The following EREG variants were observed in gnomAD, a reference collection of about 807,000 sequenced individuals.
The protein encoded by EREG is epiregulin.
In EREG, 23 loss-of-function variants were observed where a neutral mutation model predicts 22.4. The ratio of observed to expected loss-of-function variants is 1.03; its 90% CI spans 0.74 to 1.46. EREG has a LOEUF of 1.46. EREG is among the 40% of genes most tolerant of loss of function. EREG has a pLI of 0.00. For missense variants in EREG, 226 were observed against 205.9 expected, an observed-to-expected ratio of 1.10 and a Z score of -0.60; for synonymous variants, 100 against 75.4, an observed-to-expected ratio of 1.33 and a Z score of -1.69.
chr4:74,372,085 G>T (rs1752300818), intron 1 of EREG, among the ~76,000 whole-genome samples: 1 of 152,172 alleles, frequency 6.6e-6, no homozygotes, highest in Non-Finnish European at 1.5e-5. Flanking sequence ...CAAGGATGGG[G>T]TAAGCTGCCC....
chr4:74,370,142 T>C (rs1313498008), intron 1 of EREG, among the ~76,000 whole-genome samples: 1 of 152,186 alleles, frequency 6.6e-6, no homozygotes, highest in Non-Finnish European at 1.5e-5. Flanking sequence ...CCTTTAAGAC[T>C]GAAAAAGGAG....
At chr4:74,380,749 T>C (rs1752459100) in intron 2 of EREG, among the ~76,000 whole-genome samples, 1 of 152,232 alleles carries the variant, frequency 6.6e-6, no homozygotes, top group Non-Finnish European at 1.5e-5. Flanking sequence ...TTCTCTACCC[T>C]TACAGGTTGT....
chr4:74,365,199 A>G lies in EREG; in HGVS notation c.-110A>G. ...ACACAGCCAACGTGGGGTCCCTTCT[A>G]GGCTGACAGCCGCTCTCCAGCCACT... is the stretch of plus-strand genomic sequence containing the variant. On this transcript the variant is annotated 5_prime_UTR_variant, in exon 1 of 5. Transcript: ENST00000244869. The G allele has an allele frequency of 1.2e-6, 1 of 810,770 alleles. No homozygotes were observed. Among genetic ancestry groups the G allele is most frequent in the Non-Finnish European group, 2.0e-6 (1 of 489,328 alleles). The allele number at this position is 810,770 out of a possible 1,614,324, so 50.2% of individuals were successfully genotyped here.
At chr4:74,381,311 AC>A (rs111798994) in intron 3 of EREG, 174 bp downstream of exon 3, 10 of 535,858 alleles carry the variant, frequency 1.9e-5, no homozygotes, top group South Asian at 1.0e-4. Flanking sequence ...TCATCCCTTA[AC>A]CCCCCCAAAA....
intron 1 of EREG, among the ~76,000 whole-genome samples, chr4:74,378,437 G>A (rs1332048862): frequency 6.6e-6 from 1 of 152,152 alleles, no homozygotes; most frequent in African/African-American, 2.4e-5. Context: ...CCCCACGGTA[G>A]GTATTATTCA....
chr4:74,382,667 G>T lies in EREG; in HGVS notation c.301G>T (p.Val101Phe), dbSNP rs1166055780. 1.4e-5 allele frequency: 23 copies of T among 1,611,284 alleles called. No homozygotes were observed. Among genetic ancestry groups the T allele is most frequent in the Non-Finnish European group, 1.9e-5 (22 of 1,178,890 alleles). The change falls in exon 4 of 5, where the codon GTC becomes TTC. Residue 101 changes from valine to phenylalanine, a missense_variant. Val to Phe is a conservative substitution (Grantham distance 50). Coordinates refer to ENST00000244869, the MANE Select transcript of EREG (RefSeq NM_001432.3). ...CAGGTGTGAAGTGGGTTATACTGGTGTCCGATGTGAACACTTCTTTTTAAC... is the reference window on the plus strand; with the variant it reads ...CAGGTGTGAAGTGGGTTATACTGGTTTCCGATGTGAACACTTCTTTTTAAC... Reference protein sequence around the residue: ...YCRCEVGYTGVRCEHFFLTVH... With the variant: ...YCRCEVGYTGFRCEHFFLTVH...
At chr4:74,366,761 G>T (rs1026102657) in intron 1 of EREG, among the ~76,000 whole-genome samples, 1 of 152,146 alleles carries the variant, frequency 6.6e-6, no homozygotes, top group Admixed American at 6.5e-5. Flanking sequence ...TGTGTGTTGT[G>T]TGTGTGTTTG....
rs773694742 is a variant in EREG at position 74,388,649 on chromosome 4, AATAG to A, written c.*3845_*3848del. 2.2e-4 allele frequency: 33 copies of A among 152,762 alleles called. No homozygotes were observed. The highest frequency in any genetic ancestry group is 3.7e-4 in the Non-Finnish European group (25 of 68,026). 9.5% of individuals were successfully genotyped at this position (152,762 alleles called of 1,614,324 possible). On this transcript the variant is annotated 3_prime_UTR_variant, in exon 5 of 5. Coordinates refer to ENST00000244869, the MANE Select transcript of EREG (RefSeq NM_001432.3). ...TGTACCTTAAGATATTGAAGGAGAA[AATAG>A]ATAATTTACAAGATATTATTAATTT...
At chr4:74,379,998 G>A (rs546527022) in intron 2 of EREG, among the ~76,000 whole-genome samples, 3 of 152,224 alleles carry the variant, frequency 2.0e-5, no homozygotes, top group East Asian at 1.9e-4. Context: ...AACATTTATC[G>A]AGTATGTAGT....
intron 4 of EREG, among the ~76,000 whole-genome samples, chr4:74,384,371 T>C (rs191092041): frequency 8.3e-4 from 126 of 152,174 alleles, no homozygotes; most frequent in Non-Finnish European, 1.6e-3. Flanking sequence ...TTGTAAATAT[T>C]CATTCCTTAG....
At chr4:74,369,862 T>C (rs1159895743) in intron 1 of EREG, among the ~76,000 whole-genome samples, 1 of 152,040 alleles carries the variant, frequency 6.6e-6, no homozygotes. Flanking sequence ...GTCAGGTAAT[T>C]GTATGTAGAT....
rs187502235 is a variant in EREG, at chr4:74,384,099, T to C, written c.429-628T>C. ...AGCTTAATGAATAAATGAAAGAAGA[T>C]TCTAAATTATGATAAATCTATGAAT... On this transcript the variant is annotated intron_variant, in intron 4 of 4. Coordinates refer to ENST00000244869, the MANE Select transcript of EREG (RefSeq NM_001432.3). 1.8e-3 allele frequency among the ~76,000 whole-genome samples: 267 copies of C among 152,236 alleles called. 1 individual carries two copies. Among genetic ancestry groups the C allele is most frequent in the Non-Finnish European group, 2.9e-3 (199 of 67,996 alleles).
chr4:74,387,703 T>A lies in EREG; in HGVS notation c.*2895T>A, dbSNP rs1170772412. 1 of 152,178 alleles carries A rather than the reference T, an allele frequency of 6.6e-6. No homozygotes were observed. The highest frequency in any genetic ancestry group is 1.5e-5 in the Non-Finnish European group (1 of 68,012). 9.4% of individuals were successfully genotyped at this position (152,178 alleles called of 1,614,324 possible). A position where few individuals can be genotyped will look rare whatever the true frequency, so the allele number is the denominator to read the frequency against. On this transcript the variant is annotated 3_prime_UTR_variant, in exon 5 of 5. Coordinates refer to ENST00000244869, the MANE Select transcript of EREG (RefSeq NM_001432.3). ...TTCACACTTAGTCTAACTCCCCCAT[T>A]TTACAGATTTCTCACTATATATATT...
Position 74,384,916 on chromosome 4 carries a change from C to T in EREG, c.*108C>T, listed in dbSNP as rs1752545423. The stretch of plus-strand genomic sequence containing the variant: ...TGGGTCAAGTGTTAGGTCAATAACA[C>T]TGTATTTTAATGTACTTGAAAAATG... On this transcript the variant is annotated 3_prime_UTR_variant, in exon 5 of 5. Coordinates refer to ENST00000244869, the MANE Select transcript of EREG (RefSeq NM_001432.3). 3.4e-6 allele frequency: 2 copies of T among 582,362 alleles called. No individual in the cohort carries two copies. Among genetic ancestry groups the T allele is most frequent in the South Asian group, 6.5e-5 (2 of 30,668 alleles). 36.1% of individuals were successfully genotyped at this position (582,362 alleles called of 1,614,324 possible). A position where few individuals can be genotyped will look rare whatever the true frequency, so the allele number is the denominator to read the frequency against.
intron 3 of EREG, 115 bp downstream of exon 3, chr4:74,381,252 A>C: frequency 1.1e-6 from 1 of 871,462 alleles, no homozygotes; most frequent in South Asian, 1.7e-5. Context: ...CTGAGCTTTT[A>C]GAGTACCTAC....
intron 3 of EREG, among the ~76,000 whole-genome samples, chr4:74,382,195 G>T (rs1284203720): frequency 1.3e-5 from 2 of 151,906 alleles, no homozygotes; most frequent in Non-Finnish European, 2.9e-5. Flanking sequence ...GTCTACTCAG[G>T]AGGCTGAGAT....
Position 74,381,070 on chromosome 4 carries a change from GA to G in EREG, c.212del (p.Asp71AlafsTer2). On this transcript the variant is annotated frameshift_variant, in exon 3 of 5. Transcript: ENST00000244869. LOFTEE classifies it high-confidence loss of function. ...AQVSITKCSS[D>X]MNGYCLHGQC... ...AGTGTCAATAACAAAGTGTAGCTCT[GA>G]CATGAATGGCTATTGTTTGCATGGA... 1 of 1,613,706 alleles carries G rather than the reference GA, an allele frequency of 6.2e-7. No individual in the cohort carries two copies. Among genetic ancestry groups the G allele is most frequent in the African/African-American group, 1.3e-5 (1 of 75,030 alleles).
chr4:74,366,298 T>C (rs112523581), intron 1 of EREG, among the ~76,000 whole-genome samples: 11 of 152,014 alleles, frequency 7.2e-5, no homozygotes, highest in Non-Finnish European at 1.0e-4. Flanking sequence ...CTCCCTGGAG[T>C]TGGAATGAGG....
intron 3 of EREG, 95 bp downstream of exon 3, chr4:74,381,232 G>C: frequency 9.1e-7 from 1 of 1,104,654 alleles, no homozygotes; most frequent in Non-Finnish European, 1.3e-6. Flanking sequence ...ATATTCAGTA[G>C]TGGTGAAGTC....
Sources: allele counts gnomAD v4.1 joint callset (sites outside exome capture counted in the v4.1 genomes callset), GRCh38; gene constraint gnomAD v4.1.1; transcripts MANE v1.5; gene names NCBI Gene and HGNC (gene_info 2026-07-23, HGNC 2026-07-21).